SLCO4A1: variants seen among roughly 807,000 people sequenced by gnomAD.
The protein encoded by SLCO4A1 is colon organic anion transporter.
SLCO4A1 carries 51 observed loss-of-function variants against 64.6 expected under a neutral mutation model. The observed-to-expected ratio is 0.79, with a 90% CI of 0.63 to 1.00. SLCO4A1 has a LOEUF of 1.00. Ranked by LOEUF, SLCO4A1 falls within the 50% of genes least tolerant of loss-of-function variation. The pLI is 0.00. For missense variants in SLCO4A1, 919 were observed against 980.5 expected (o/e 0.94, Z 0.84); for synonymous variants, 471 against 444.9 (o/e 1.06, Z -0.74).
chr20:62,680,723 C>T (rs1987788385), intron 2 of SLCO4A1, among the ~76,000 whole-genome samples: 1 of 152,162 alleles, frequency 6.6e-6, no homozygotes, highest in African/African-American at 2.4e-5. Flanking sequence ...CCCTGGGATA[C>T]ACTTGATCAT....
rs1376104954 is a variant in SLCO4A1 at position 62,666,393 on chromosome 20, G to A, written c.1290G>A (p.Val430=). ...CCCTCTCCCCAGGGTACCTGGTGGT[G>A]CCAGCGGGTGGTGGCGGCACCTTCC... The part of the protein sequence containing the change: ...EAATLFGYLV[V]PAGGGGTFLG... The change falls in exon 7 of 12, where the codon GTG becomes GTA. Residue 430 remains valine (V), a synonymous_variant. Coordinates refer to ENST00000217159, the MANE Select transcript of SLCO4A1 (RefSeq NM_016354.4). The A allele has an allele frequency of 6.2e-7, 1 of 1,612,836 alleles. No homozygotes were observed. The highest frequency in any genetic ancestry group is 8.5e-7 in the Non-Finnish European group (1 of 1,179,882).
intron 10 of SLCO4A1, among the ~76,000 whole-genome samples, 180 bp from the exon 11 acceptor site, chr20:62,668,750 G>A (rs1404419395): frequency 2.6e-5 from 4 of 152,164 alleles, no homozygotes; most frequent in African/African-American, 7.2e-5. Flanking sequence ...TGGGAAACTC[G>A]CAGCCCCAAT....
chr20:62,657,275 G>T, intron 2 of SLCO4A1, 25 bp downstream of exon 2: 1 of 1,496,606 alleles, frequency 6.7e-7, no homozygotes. Flanking sequence ...CGGGGTAAGT[G>T]CTGGCAGGGG....
chr20:62,651,574 A>G (rs933112448), intron 1 of SLCO4A1: 5 of 152,228 alleles, frequency 3.3e-5, no homozygotes, highest in African/African-American at 1.2e-4. Flanking sequence ...AATGTGCATA[A>G]TAGGTAACTT....
At chr20:62,684,500 C>T (rs2147118139) in intron 2 of SLCO4A1, among the ~76,000 whole-genome samples, 1 of 152,340 alleles carries the variant, frequency 6.6e-6, no homozygotes, top group South Asian at 2.1e-4. Context: ...GAACATCTAT[C>T]CACTGGGGTT....
At chr20:62,647,495 A>G (rs1981567239) in intron 1 of SLCO4A1, among the ~76,000 whole-genome samples, 1 of 152,214 alleles carries the variant, frequency 6.6e-6, no homozygotes, top group Admixed American at 6.5e-5. Context: ...CGGGACTGGG[A>G]CATCCCCTAA....
downstream of SLCO4A1, among the ~76,000 whole-genome samples, chr20:62,689,193 C>T (rs1253066164): frequency 1.3e-5 from 2 of 151,542 alleles, no homozygotes; most frequent in East Asian, 1.9e-4. Context: ...CTGTGCCCCG[C>T]GCCTCATAGG....
chr20:62,667,784 C>G lies in SLCO4A1; in HGVS notation c.1512C>G (p.Cys504Trp), dbSNP rs777788324. 3.1e-6 allele frequency: 5 copies of G among 1,611,736 alleles called. No individual in the cohort carries two copies. Among genetic ancestry groups the G allele is most frequent in the Non-Finnish European group, 4.2e-6 (5 of 1,179,800 alleles). ...PEGHLNLTAP[C>W]NAACSCQPEH... ...GCCACCTGAACCTAACGGCTCCCTG[C>G]AACGCTGCCTGCAGCTGCCAGCCAG... The change falls in exon 8 of 12, where the codon TGC (cysteine) becomes TGG (tryptophan). Residue 504 changes from cysteine (C) to tryptophan (W), a missense_variant. Physicochemically the swap from Cys to Trp is radical, Grantham distance 215. Coordinates refer to ENST00000217159, the MANE Select transcript of SLCO4A1 (RefSeq NM_016354.4).
Position 62,680,849 on chromosome 20 carries a change from T to G in SLCO4A1, n.212-4592T>G, listed in dbSNP as rs75657153. Among the ~76,000 whole-genome samples the G allele has an allele frequency of 8.4e-3, 1,280 of 152,340 alleles. 18 individuals are homozygous for G. Among genetic ancestry groups the G allele is most frequent in the African/African-American group, 0.029 (1,207 of 41,564 alleles). ...GTTTTATTTTCTTGTACTGTCTTTA[T>G]CTGGTTCTGGTATATGGGTAATGCT... On this transcript the variant is annotated intron_variant and non_coding_transcript_variant, in intron 2 of 2. Transcript: ENST00000466818.
rs902792508 is a variant in SLCO4A1 at position 62,664,808 on chromosome 20, C to T, written c.1122-126C>T. Reference sequence around the variant, plus strand: ...CACCCTGGGTCTGGCCCACTCTGACCCTCAGTCTCTTCTCCACACCCCGAC... The same window carrying T: ...CACCCTGGGTCTGGCCCACTCTGACTCTCAGTCTCTTCTCCACACCCCGAC... On this transcript the variant is annotated intron_variant, in intron 5 of 11. Coordinates refer to ENST00000217159, the MANE Select transcript of SLCO4A1 (RefSeq NM_016354.4). 3.1e-5 allele frequency: 33 copies of T among 1,074,880 alleles called. No individual in the cohort carries two copies. The African/African-American group carries it at 4.8e-4, about 16-fold the overall frequency. The allele number at this position is 1,074,880 out of a possible 1,614,324, so 66.6% of individuals were successfully genotyped here. A position where few individuals can be genotyped will look rare whatever the true frequency, so the allele number is the denominator to read the frequency against.
chr20:62,677,748 T>C (rs1987659644), intron 2 of SLCO4A1, among the ~76,000 whole-genome samples: 2 of 152,266 alleles, frequency 1.3e-5, no homozygotes, highest in Admixed American at 6.5e-5. Flanking sequence ...GTGACACAGC[T>C]TCTACTGGCA....
chr20:62,674,155 G>A (rs2147110873), downstream of SLCO4A1, among the ~76,000 whole-genome samples: 1 of 152,350 alleles, frequency 6.6e-6, no homozygotes, highest in East Asian at 1.9e-4. Flanking sequence ...ACGTCCCGTG[G>A]TCCCAGTGAG....
intron 2 of SLCO4A1, among the ~76,000 whole-genome samples, chr20:62,658,041 A>G (rs761454272): frequency 3.3e-5 from 5 of 151,944 alleles, no homozygotes; most frequent in Admixed American, 1.3e-4. Context: ...GACCCAGTGC[A>G]CGGCCCGCCT....
downstream of SLCO4A1, among the ~76,000 whole-genome samples, chr20:62,673,379 C>T (rs868098764): frequency 3.5e-5 from 5 of 143,164 alleles, 1 homozygote; most frequent in African/African-American, 9.9e-5. Context: ...ATCAGGAGTC[C>T]GGTTCATCAG....
chr20:62,685,477 T>C lies in SLCO4A1; in HGVS notation n.248T>C. ...TGAATTTAGAAGGCTGTAAACCCCA[T>C]CTGAGCCTTACACATAGATCTCCTT... is the stretch of plus-strand genomic sequence containing the variant. On this transcript the variant is annotated non_coding_transcript_exon_variant, in exon 3 of 3. Transcript: ENST00000466818. The surrounding 1 kb of genome is among the most constrained non-coding windows in gnomAD (Gnocchi z 4.6). 1 of 982,582 alleles carries C rather than the reference T, an allele frequency of 1.0e-6. No individual in the cohort carries two copies. Among genetic ancestry groups the C allele is most frequent in the Non-Finnish European group, 1.2e-6 (1 of 827,298 alleles). The allele number at this position is 982,582 out of a possible 1,614,324, so 60.9% of individuals were successfully genotyped here.
In SLCO4A1 at chr20:62,656,709, G is replaced by T. The variant is rs193109446; in HGVS notation, c.255G>T (p.Ala85=). 1 of 1,610,550 alleles carries T rather than the reference G, an allele frequency of 6.2e-7. No homozygotes were observed. Among genetic ancestry groups the T allele is most frequent in the Non-Finnish European group, 8.5e-7 (1 of 1,178,874 alleles). The part of the protein sequence containing the change: ...VRYVSAGQSV[A]CGWWAFAPPC... Reference sequence around the variant, plus strand: ...ACGTCTCGGCCGGGCAGAGCGTGGCGTGCGGCTGGTGGGCCTTCGCACCGC... The same window carrying T: ...ACGTCTCGGCCGGGCAGAGCGTGGCTTGCGGCTGGTGGGCCTTCGCACCGC... Residue 85 remains alanine (A), a synonymous_variant, in exon 2 of 12, where the codon GCG becomes GCT. Transcript: ENST00000217159.
At chr20:62,655,521 G>A (rs1022708065) in intron 1 of SLCO4A1, among the ~76,000 whole-genome samples, 14 of 152,366 alleles carry the variant, frequency 9.2e-5, no homozygotes, top group African/African-American at 3.1e-4. Flanking sequence ...AGGAATTGGT[G>A]TGGGGAGTGA....
At chr20:62,650,305 C>T (rs1046744112) in intron 1 of SLCO4A1, 3 of 152,450 alleles carry the variant, frequency 2.0e-5, no homozygotes, top group Non-Finnish European at 2.9e-5. Flanking sequence ...GGCCTCCCTT[C>T]TTCCCCAAGC....
intron 6 of SLCO4A1, 87 bp from the exon 7 acceptor site, chr20:62,666,293 C>T (rs1986320621): frequency 8.3e-7 from 1 of 1,199,816 alleles, no homozygotes; most frequent in East Asian, 2.3e-5. Flanking sequence ...AGTTTCCCCA[C>T]CTGTAAAGTG....
Sources: allele counts gnomAD v4.1 joint callset (sites outside exome capture counted in the v4.1 genomes callset), GRCh38; gene constraint gnomAD v4.1.1; non-coding constraint Gnocchi (gnomAD v3.1); transcripts MANE v1.5; gene names NCBI Gene and HGNC (gene_info 2026-07-23, HGNC 2026-07-21).